The following BUB1 variants were observed in gnomAD, a reference collection of about 807,000 sequenced individuals.
BUB1 encodes the protein BUB1 mitotic checkpoint serine/threonine kinase, also known as mitotic checkpoint serine/threonine-protein kinase BUB1.
Under a neutral mutation model 135.2 loss-of-function variants are expected in BUB1, and 84 were observed. The observed-to-expected ratio is 0.62, with a 90% CI of 0.52 to 0.74. The LOEUF is 0.74. Ranked by LOEUF, BUB1 falls within the 30% of genes least tolerant of loss-of-function variation. The pLI, the probability that BUB1 is intolerant of heterozygous loss-of-function variation, is 0.00. For synonymous variants in BUB1, 403 were observed against 434.4 expected, an observed-to-expected ratio of 0.93 and a Z score of 0.90; for missense variants, 1,162 against 1,288.3, an observed-to-expected ratio of 0.90 and a Z score of 1.50.
In BUB1 at chr2:110,655,602, T is replaced by C. The variant is rs534408077; in HGVS notation, c.1876+137A>G. 17 of 851,088 alleles carry C rather than the reference T, an allele frequency of 2.0e-5. No individual in the cohort carries two copies. The African/African-American group carries it at 2.5e-4, about 13-fold the overall frequency. The allele number at this position is 851,088 out of a possible 1,614,324, so 52.7% of individuals were successfully genotyped here. Reference sequence around the variant, plus strand: ...TGAACAAAAATACAATGAACAGATTTTAAGTTTCTTCTTTATGATTTTCAA... The same window carrying C: ...TGAACAAAAATACAATGAACAGATTCTAAGTTTCTTCTTTATGATTTTCAA... On this transcript the variant is annotated intron_variant, in intron 16 of 24. Transcript: ENST00000302759.
At position 110,655,728 on chromosome 2, in the gene BUB1, G is replaced by T; in HGVS notation, c.1876+11C>A. The T allele has an allele frequency of 5.6e-6, 9 of 1,608,820 alleles. No individual in the cohort carries two copies. In the South Asian group the frequency reaches 9.9e-5, roughly 18 times the overall value. ...GGCAGAAGACAGACACTAAAACAGT[G>T]TAACACACACCTTTATCTTCTAAAA... On this transcript the variant is annotated intron_variant, in intron 16 of 24. Transcript: ENST00000302759.
Position 110,641,208 on chromosome 2 carries a change from A to T in BUB1, c.2784-3T>A, listed in dbSNP as rs775702500. The T allele has an allele frequency of 4.4e-6, 7 of 1,593,704 alleles. No individual in the cohort carries two copies. The highest frequency in any genetic ancestry group is 6.0e-6 in the Non-Finnish European group (7 of 1,170,792). ...CTTCATCATCCTGTTCCAAAAATCT[A>T]TATTAAACACAAACAAAGCCAGGCT... is the stretch of plus-strand genomic sequence containing the variant. On this transcript the variant is annotated splice_region_variant and splice_polypyrimidine_tract_variant and intron_variant, in intron 22 of 24. Coordinates refer to ENST00000302759, the MANE Select transcript of BUB1 (RefSeq NM_004336.5).
At chr2:110,643,720 G>C (rs1689564357) in intron 19 of BUB1, among the ~76,000 whole-genome samples, 1 of 152,094 alleles carries the variant, frequency 6.6e-6, no homozygotes, top group Non-Finnish European at 1.5e-5. Context: ...GCTCACTACA[G>C]CCTCAAACTC....
chr2:110,666,428 AG>A lies in BUB1; in HGVS notation c.806-15del. The A allele has an allele frequency of 7.3e-7, 1 of 1,362,402 alleles. No individual in the cohort carries two copies. Among genetic ancestry groups the A allele is most frequent in the African/African-American group, 1.5e-5 (1 of 67,734 alleles). 84.4% of individuals were successfully genotyped at this position (1,362,402 alleles called of 1,614,324 possible). On this transcript the variant is annotated splice_polypyrimidine_tract_variant and intron_variant, in intron 8 of 24. Coordinates refer to ENST00000302759, the MANE Select transcript of BUB1 (RefSeq NM_004336.5). Reference sequence around the variant, plus strand: ...TGTCTTCATTTACTTTAGGAAAGATAGAAATGGTTTGCATGCAAAATTTAAA... The same window carrying A: ...TGTCTTCATTTACTTTAGGAAAGATAAAATGGTTTGCATGCAAAATTTAAA...
intron 1 of BUB1, chr2:110,674,944 A>G (rs895789583): frequency 8.2e-5 from 13 of 159,320 alleles, no homozygotes; most frequent in African/African-American, 1.4e-4. Flanking sequence ...TCCCAGGAGC[A>G]TGGCTGAGAC....
intron 4 of BUB1, among the ~76,000 whole-genome samples, chr2:110,670,920 A>G (rs895804046): frequency 6.6e-6 from 1 of 152,254 alleles, no homozygotes. Flanking sequence ...CATTTGGAAC[A>G]TAATGAATAT....
At chr2:110,661,929 C>A in intron 9 of BUB1, 88 bp from the exon 10 acceptor site, 1 of 1,467,296 alleles carries the variant, frequency 6.8e-7, no homozygotes, top group Non-Finnish European at 9.2e-7. Context: ...CAAAGCATGG[C>A]ATCTGTCTTC....
intron 10 of BUB1, among the ~76,000 whole-genome samples, chr2:110,660,413 C>A (rs1483020964): frequency 1.3e-5 from 2 of 151,878 alleles, no homozygotes; most frequent in African/African-American, 4.8e-5. Context: ...AATGCTTGAT[C>A]TATTAGAATT....
chr2:110,662,883 C>G (rs1371270963), intron 9 of BUB1, among the ~76,000 whole-genome samples: 4 of 152,154 alleles, frequency 2.6e-5, no homozygotes, highest in Admixed American at 1.3e-4. Flanking sequence ...ATATAAAAAC[C>G]TCATCCTCAT....
chr2:110,659,310 C>T (rs1354131392), intron 11 of BUB1, among the ~76,000 whole-genome samples: 1 of 152,218 alleles, frequency 6.6e-6, no homozygotes, highest in East Asian at 1.9e-4. Flanking sequence ...AGCTCCCTAA[C>T]TTTAGCCCTT....
chr2:110,669,380 A>T (rs532168289), intron 6 of BUB1, 73 bp downstream of exon 6: 1 of 1,011,294 alleles, frequency 9.9e-7, no homozygotes, highest in South Asian at 1.3e-5. Flanking sequence ...GTCAAAGTGG[A>T]TGTAGAAGGC....
chr2:110,649,418 T>G (rs1485823250), intron 18 of BUB1, 41 bp from the exon 19 acceptor site: 13 of 1,515,140 alleles, frequency 8.6e-6, no homozygotes, highest in African/African-American at 1.4e-5. Context: ...GGAACATGAA[T>G]TGAGTACTCA....
At chr2:110,647,906 T>C (rs912008153) in intron 19 of BUB1, among the ~76,000 whole-genome samples, 1 of 152,198 alleles carries the variant, frequency 6.6e-6, no homozygotes, top group Admixed American at 6.5e-5. Flanking sequence ...AACCACCTAA[T>C]GAGGGCAAGA....
chr2:110,657,135 A>G lies in BUB1; in HGVS notation c.1617-18T>C, dbSNP rs766275368. The G allele has an allele frequency of 6.3e-7, 1 of 1,591,144 alleles. No homozygotes were observed. The highest frequency in any genetic ancestry group is 8.6e-7 in the Non-Finnish European group (1 of 1,162,502). ...GTGGTAATCTAAGGAAAGATTTGCT[A>G]AATTATAAATAGTAAAATATGCTAA... On this transcript the variant is annotated intron_variant, in intron 14 of 24. Transcript: ENST00000302759.
intron 6 of BUB1, 26 bp downstream of exon 6, chr2:110,669,427 A>C: frequency 6.6e-7 from 1 of 1,511,018 alleles, no homozygotes; most frequent in South Asian, 1.1e-5. Context: ...CCCAGTTTCC[A>C]CACAAGCTAC....
intron 5 of BUB1, among the ~76,000 whole-genome samples, chr2:110,669,858 T>C (rs1471824168): frequency 6.6e-6 from 1 of 152,164 alleles, no homozygotes; most frequent in East Asian, 1.9e-4. Flanking sequence ...GAAAAAGAAA[T>C]GGCTGTATTT....
chr2:110,662,005 A>C (rs911314715), intron 9 of BUB1, 164 bp from the exon 10 acceptor site: 3 of 797,022 alleles, frequency 3.8e-6, no homozygotes, highest in Non-Finnish European at 5.8e-6. Flanking sequence ...ATGTACAGTC[A>C]ACAACAAAAA....
rs1348786862 is a variant in BUB1, at chr2:110,674,345, T to C, written c.47A>G (p.Gln16Arg). The change falls in exon 2 of 25, where the codon CAG (glutamine) becomes CGG (arginine). Residue 16 changes from glutamine to arginine, a missense_variant. Gln to Arg is a conservative substitution (Grantham distance 43). Coordinates refer to ENST00000302759, the MANE Select transcript of BUB1 (RefSeq NM_004336.5). ...NVLQMLEAHMQSYKGNDPLGE... is the reference protein window; with the variant it reads ...NVLQMLEAHMRSYKGNDPLGE... ...AAGAGGGTCATTGCCCTTGTAGCTC[T>C]GCATGTGGGCTTCAAGCATCCTAGA... The C allele has an allele frequency of 6.2e-7, 1 of 1,614,108 alleles. No individual in the cohort carries two copies. The highest frequency in any genetic ancestry group is 1.1e-5 in the South Asian group (1 of 91,076).
chr2:110,672,847 T>A lies in BUB1; in HGVS notation c.236A>T (p.Asn79Ile). Reference protein sequence around the residue: ...ISYCLKFAEYNSDLHQFFEFL... With the variant: ...ISYCLKFAEYISDLHQFFEFL... ...CTCAAAAAATTGATGGAGGTCACTGTTGTACTCAGCCTACACGAACCCAAA... is the reference window on the plus strand; with the variant it reads ...CTCAAAAAATTGATGGAGGTCACTGATGTACTCAGCCTACACGAACCCAAA... The change falls in exon 4 of 25, where the codon AAC (asparagine) becomes ATC (isoleucine). Residue 79 changes from asparagine to isoleucine, a missense_variant. Physicochemically the swap from Asn to Ile is moderately radical, Grantham distance 149. Coordinates refer to ENST00000302759, the MANE Select transcript of BUB1 (RefSeq NM_004336.5). 3 of 1,605,200 alleles carry A rather than the reference T, an allele frequency of 1.9e-6. No individual in the cohort carries two copies. The highest frequency in any genetic ancestry group is 2.6e-6 in the Non-Finnish European group (3 of 1,176,044).
Sources: allele counts gnomAD v4.1 joint callset (sites outside exome capture counted in the v4.1 genomes callset), GRCh38; gene constraint gnomAD v4.1.1; transcripts MANE v1.5; gene names NCBI Gene and HGNC (gene_info 2026-07-23, HGNC 2026-07-21).